Variants in OPRM1 observed in about 807,000 individuals in gnomAD.
OPRM1 encodes opioid receptor mu 1, also known as mu-type opioid receptor.
In OPRM1, 27 loss-of-function variants were observed where a neutral mutation model predicts 31.8. The ratio of observed to expected loss-of-function variants is 0.85; its 90% confidence interval spans 0.63 to 1.17. The LOEUF is 1.17. Among genes scored for constraint, OPRM1 ranks in the 50% most tolerant of loss-of-function variants. The pLI is 0.00. For missense variants in OPRM1, 536 were observed against 511.1 expected (o/e 1.05, Z -0.47); for synonymous variants, 196 against 189.9 (o/e 1.03, Z -0.26).
chr6:154,226,160 A>G (rs1425269839), intron 3 of OPRM1, among the ~76,000 whole-genome samples: 1 of 152,104 alleles, frequency 6.6e-6, no homozygotes, highest in Non-Finnish European at 1.5e-5. Flanking sequence ...AAAACTCTCT[A>G]TGGATGATCA....
At chr6:154,231,510 G>A (rs909808987) in intron 3 of OPRM1, among the ~76,000 whole-genome samples, 1 of 152,234 alleles carries the variant, frequency 6.6e-6, no homozygotes, top group Admixed American at 6.5e-5. Context: ...GGTGACAGTT[G>A]AATACACTGT....
At chr6:154,135,412 G>A (rs1271460074), downstream of OPRM1, among the ~76,000 whole-genome samples, 7 of 152,248 alleles carry the variant, frequency 4.6e-5, no homozygotes, top group Admixed American at 2.0e-4. Flanking sequence ...GGAGGTTGCA[G>A]TGAACCGAGA....
At chr6:154,180,415 T>TATATATATATATATA (rs1491475267) in intron 3 of OPRM1, among the ~76,000 whole-genome samples, 64 of 29,320 alleles carry the variant, frequency 2.2e-3, no homozygotes, top group African/African-American at 6.9e-3. Flanking sequence ...TATATATATA[T>TATATATATATATATA]TTTTTTTTTA....
chr6:154,085,893 T>C (rs1293737836), intron 1 of OPRM1, among the ~76,000 whole-genome samples: 1 of 148,724 alleles, frequency 6.7e-6, no homozygotes, highest in Non-Finnish European at 1.5e-5. Context: ...TTGCCCTTTT[T>C]TTTTTTTTTT....
At chr6:154,038,220 C>A (rs1225177463), upstream of OPRM1, among the ~76,000 whole-genome samples, 1 of 151,908 alleles carries the variant, frequency 6.6e-6, no homozygotes, top group African/African-American at 2.4e-5. Context: ...TTTTCAAGAC[C>A]AACTGAGGAC....
intron 3 of OPRM1, among the ~76,000 whole-genome samples, chr6:154,226,613 C>T (rs918120345): frequency 6.6e-6 from 1 of 152,066 alleles, no homozygotes; most frequent in Non-Finnish European, 1.5e-5. Flanking sequence ...GTTGAATTAC[C>T]GCAAAAGTCT....
intron 3 of OPRM1, among the ~76,000 whole-genome samples, chr6:154,187,709 T>C (rs911293568): frequency 6.6e-6 from 1 of 152,234 alleles, no homozygotes; most frequent in Admixed American, 6.5e-5. Flanking sequence ...TTAAGGCGAT[T>C]AGAATCTCAG....
At chr6:154,243,683 T>G (rs1277484601) in intron 3 of OPRM1, among the ~76,000 whole-genome samples, 2 of 152,228 alleles carry the variant, frequency 1.3e-5, no homozygotes, top group African/African-American at 2.4e-5. Flanking sequence ...CAGGGTGGTC[T>G]TAATTGTGTC....
intron 1 of OPRM1, among the ~76,000 whole-genome samples, chr6:154,086,232 A>G (rs897278582): frequency 6.6e-6 from 1 of 152,164 alleles, no homozygotes; most frequent in African/African-American, 2.4e-5. Context: ...TTAGCTTTGT[A>G]TAATTTTCTT....
intron 3 of OPRM1, among the ~76,000 whole-genome samples, chr6:154,150,268 A>G (rs1471165644): frequency 2.6e-5 from 4 of 152,244 alleles, no homozygotes; most frequent in Admixed American, 6.5e-5. Context: ...TATTAAGCCT[A>G]TATTAATAAC....
intron 3 of OPRM1, among the ~76,000 whole-genome samples, chr6:154,230,053 C>T (rs183280292): frequency 1.6e-4 from 25 of 151,850 alleles, no homozygotes; most frequent in Non-Finnish European, 1.9e-4. Flanking sequence ...TGGTTGCCTG[C>T]GGTTGGGGGT....
intron 3 of OPRM1, chr6:154,223,355 A>C (rs921897725): frequency 1.2e-6 from 1 of 820,864 alleles, no homozygotes; most frequent in Non-Finnish European, 2.0e-6. Flanking sequence ...GGGAGAATCA[A>C]GAGATACCAA....
downstream of OPRM1, among the ~76,000 whole-genome samples, chr6:154,133,266 T>C (rs1163072106): frequency 2.0e-5 from 3 of 152,250 alleles, no homozygotes; most frequent in African/African-American, 7.2e-5. Flanking sequence ...CTACATGGTA[T>C]TACCAGATGT....
chr6:154,180,412 A>ATT (rs1301879776), intron 3 of OPRM1, among the ~76,000 whole-genome samples: 916 of 50,656 alleles, frequency 0.018, 10 homozygotes, highest in East Asian at 0.07. Context: ...ATATATATAT[A>ATT]TATTTTTTTT....
intron 3 of OPRM1, among the ~76,000 whole-genome samples, chr6:154,151,645 A>G (rs2128541587): frequency 6.6e-6 from 1 of 152,216 alleles, no homozygotes; most frequent in East Asian, 1.9e-4. Context: ...CCACAGCAAG[A>G]GCCTCTGGCA....
intron 3 of OPRM1, among the ~76,000 whole-genome samples, chr6:154,175,485 G>T (rs1261674294): frequency 6.6e-6 from 1 of 151,162 alleles, no homozygotes; most frequent in Non-Finnish European, 1.5e-5. Flanking sequence ...AATGATAAAG[G>T]GGATATCACC....
intron 1 of OPRM1, among the ~76,000 whole-genome samples, chr6:154,080,578 C>T (rs769514510): frequency 2.0e-5 from 3 of 152,196 alleles, no homozygotes; most frequent in Non-Finnish European, 4.4e-5. Context: ...CCCTGTCTCG[C>T]TCCCTCTTTT....
intron 1 of OPRM1, among the ~76,000 whole-genome samples, chr6:154,033,898 G>A (rs1057460773): frequency 6.6e-6 from 1 of 152,060 alleles, no homozygotes; most frequent in Non-Finnish European, 1.5e-5. Context: ...GCACAAATGA[G>A]GCATAAGCAA....
At chr6:154,174,426 A>G (rs1402584173) in intron 3 of OPRM1, among the ~76,000 whole-genome samples, 1 of 152,176 alleles carries the variant, frequency 6.6e-6, no homozygotes, top group African/African-American at 2.4e-5. Flanking sequence ...CAGGAGACCC[A>G]TCTCACGTGC....
Sources: gnomAD v4.1 joint callset for allele counts (sites outside exome capture counted in the v4.1 genomes callset) on GRCh38, gnomAD v4.1.1 for gene constraint, MANE v1.5 for transcripts, NCBI Gene and HGNC (gene_info 2026-07-23, HGNC 2026-07-21) for gene names.